STK38L: variants seen among roughly 807,000 people sequenced by gnomAD.
The protein encoded by STK38L is serine/threonine kinase 38 like, also known as serine/threonine-protein kinase 38-like.
Under a neutral mutation model 59.7 loss-of-function variants are expected in STK38L, and 28 were observed. The ratio of observed to expected loss-of-function variants is 0.47; its 90% CI spans 0.35 to 0.64. The LOEUF is 0.64. STK38L is among the 30% of genes least tolerant of loss of function. The probability of loss-of-function intolerance (pLI) is 0.01; values close to 1 mark genes in which losing one functional copy is unlikely to be tolerated. For synonymous variants in STK38L, 162 were observed against 176.8 expected, an observed-to-expected ratio of 0.92 and a Z score of 0.66; for missense variants, 314 against 555.8, an observed-to-expected ratio of 0.56 and a Z score of 4.37.
chr12:27,287,487 T>C (rs915090331), intron 1 of STK38L, among the ~76,000 whole-genome samples: 1 of 152,234 alleles, frequency 6.6e-6, no homozygotes, highest in East Asian at 1.9e-4. Context: ...TGATATACAG[T>C]ATATACATAT....
chr12:27,279,618 C>T (rs1006402045), intron 1 of STK38L, among the ~76,000 whole-genome samples: 2 of 150,082 alleles, frequency 1.3e-5, no homozygotes, highest in African/African-American at 4.9e-5. Context: ...CCCAACTACT[C>T]AGGAGGCTGA....
chr12:27,293,664 T>A (rs190093552), intron 1 of STK38L: 5 of 151,938 alleles, frequency 3.3e-5, no homozygotes, highest in Admixed American at 6.6e-5. Context: ...TGGCAGACAG[T>A]CAGCTCCCTC....
chr12:27,320,780 ATTTTTT>A (rs71437393), intron 12 of STK38L, among the ~76,000 whole-genome samples: 1 of 130,058 alleles, frequency 7.7e-6, no homozygotes, highest in South Asian at 2.5e-4. Flanking sequence ...GCAGCTAGTA[ATTTTTT>A]TTTTTTTTTT....
intron 6 of STK38L, among the ~76,000 whole-genome samples, chr12:27,313,019 C>A (rs780674517): frequency 6.6e-6 from 1 of 152,040 alleles, no homozygotes; most frequent in Non-Finnish European, 1.5e-5. Context: ...GAGGCCGAGG[C>A]GGATGGATCA....
At chr12:27,272,713 A>C (rs777903631) in intron 1 of STK38L, among the ~76,000 whole-genome samples, 4 of 152,086 alleles carry the variant, frequency 2.6e-5, no homozygotes, top group Non-Finnish European at 4.4e-5. Flanking sequence ...ATCCCCCCAA[A>C]TGTGGTTTGT....
At chr12:27,313,075 C>T (rs563798234) in intron 6 of STK38L, among the ~76,000 whole-genome samples, 14 of 152,016 alleles carry the variant, frequency 9.2e-5, no homozygotes, top group African/African-American at 1.2e-4. Flanking sequence ...GGTGAAACCC[C>T]GTCTCTACTA....
At chr12:27,314,779 AAGGT>A (rs1178097669) in intron 7 of STK38L, 121 bp downstream of exon 7, 3 of 1,172,898 alleles carry the variant, frequency 2.6e-6, no homozygotes, top group Non-Finnish European at 3.5e-6. Context: ...ATTATATGAT[AAGGT>A]ACTAGGAGAG....
At chr12:27,270,838 T>C (rs1355075543) in intron 1 of STK38L, among the ~76,000 whole-genome samples, 5 of 152,196 alleles carry the variant, frequency 3.3e-5, no homozygotes, top group Admixed American at 6.5e-5. Flanking sequence ...TGATTTTAGT[T>C]GAATCTTTAT....
chr12:27,257,541 G>A (rs575977956), intron 1 of STK38L, among the ~76,000 whole-genome samples: 24 of 152,206 alleles, frequency 1.6e-4, no homozygotes, highest in East Asian at 7.7e-4. Flanking sequence ...GGGTATCCCC[G>A]GCCCTTTTCA....
intron 3 of STK38L, among the ~76,000 whole-genome samples, chr12:27,306,766 G>A (rs1011875990): frequency 1.0e-5 from 1 of 95,586 alleles, no homozygotes; most frequent in Non-Finnish European, 2.3e-5. Context: ...TATTTGAGAT[G>A]GAGTTTCGGT....
chr12:27,309,631 T>G (rs1944411393), intron 5 of STK38L, among the ~76,000 whole-genome samples: 1 of 152,202 alleles, frequency 6.6e-6, no homozygotes. Context: ...TATAAGGACA[T>G]TAATTCCACC....
At chr12:27,320,351 C>T (rs1944693976) in intron 12 of STK38L, among the ~76,000 whole-genome samples, 1 of 151,906 alleles carries the variant, frequency 6.6e-6, no homozygotes, top group South Asian at 2.1e-4. Flanking sequence ...ACCGCAGCCT[C>T]GACCTCCAGG....
In STK38L at chr12:27,260,831, C is replaced by T. The variant is rs562115497; in HGVS notation, c.-12+16499C>T. Among the ~76,000 whole-genome samples the T allele has an allele frequency of 2.0e-4, 31 of 152,216 alleles. 1 individual carries two copies. In the South Asian group the frequency reaches 3.7e-3, roughly 18 times the overall value. ...ATTTTGTGTCATTTGTATTTTTATA[C>T]GGTGCCAGGAACAGTATCTGGCACA... On this transcript the variant is annotated intron_variant, in intron 1 of 13. Coordinates refer to ENST00000389032, the MANE Select transcript of STK38L (RefSeq NM_015000.4).
At chr12:27,304,441 T>G (rs1311978088) in intron 3 of STK38L, among the ~76,000 whole-genome samples, 3 of 152,102 alleles carry the variant, frequency 2.0e-5, no homozygotes, top group Non-Finnish European at 1.5e-5. Flanking sequence ...AGGTGGTAAC[T>G]TTGTTAATCA....
At chr12:27,255,305 G>A (rs1212506088) in intron 1 of STK38L, among the ~76,000 whole-genome samples, 7 of 152,152 alleles carry the variant, frequency 4.6e-5, no homozygotes, top group African/African-American at 1.7e-4. Flanking sequence ...AGAAATTAGA[G>A]CCTGTGCTTT....
rs1944805491 is a variant in STK38L at position 27,324,868 on chromosome 12, A to G, written c.*2413A>G. 1 of 152,114 alleles carries G rather than the reference A, an allele frequency of 6.6e-6. No homozygotes were observed. Among genetic ancestry groups the G allele is most frequent in the Non-Finnish European group, 1.5e-5 (1 of 67,958 alleles). The allele number at this position is 152,114 out of a possible 1,614,324, so 9.4% of individuals were successfully genotyped here. ...ATTTTCTCTATTATATATTTCCCAT[A>G]TTTCAGGTGAATAATTTAATTTAAA... On this transcript the variant is annotated 3_prime_UTR_variant, in exon 14 of 14. Coordinates refer to ENST00000389032, the MANE Select transcript of STK38L (RefSeq NM_015000.4).
At chr12:27,311,383 T>C (rs1240850637) in intron 5 of STK38L, among the ~76,000 whole-genome samples, 1 of 152,242 alleles carries the variant, frequency 6.6e-6, no homozygotes, top group Admixed American at 6.5e-5. Context: ...TATGACACTT[T>C]AAGCAGATCA....
intron 1 of STK38L, among the ~76,000 whole-genome samples, chr12:27,274,472 C>A (rs7965289): frequency 0.071 from 10,738 of 152,148 alleles, 506 homozygotes; most frequent in Non-Finnish European, 0.11. Context: ...AAAAAGAATT[C>A]TTTTTGTTTG....
At chr12:27,259,618 A>G (rs1017275336) in intron 1 of STK38L, among the ~76,000 whole-genome samples, 22 of 152,268 alleles carry the variant, frequency 1.4e-4, no homozygotes, top group South Asian at 2.1e-4. Flanking sequence ...TAAAAAGCAA[A>G]ATAGAAGTGA....
Sources: allele counts gnomAD v4.1 joint callset (sites outside exome capture counted in the v4.1 genomes callset), GRCh38; gene constraint gnomAD v4.1.1; transcripts MANE v1.5; gene names NCBI Gene and HGNC (gene_info 2026-07-23, HGNC 2026-07-21).